The following FER1L5 variants were observed in gnomAD, a reference collection of about 807,000 sequenced individuals.
FER1L5 encodes fer-1-like protein 5.
FER1L5 carries 187 observed loss-of-function variants against 279.9 expected under a neutral mutation model. That is an observed-to-expected ratio of 0.67 (90% CI 0.59 to 0.75). FER1L5 has a LOEUF of 0.75. Ranked by LOEUF, FER1L5 falls within the 30% of genes least tolerant of loss-of-function variation. The pLI, the probability that FER1L5 is intolerant of heterozygous loss-of-function variation, is 0.00. For missense variants in FER1L5, 2,091 were observed against 2,594.4 expected, an observed-to-expected ratio of 0.81 and a Z score of 4.21; for synonymous variants, 921 against 989.7, an observed-to-expected ratio of 0.93 and a Z score of 1.30.
At position 96,703,237 on chromosome 2, in the gene FER1L5, C is replaced by A; in HGVS notation, c.5582C>A (p.Pro1861His). The A allele has an allele frequency of 1.2e-6, 2 of 1,613,938 alleles. No individual in the cohort carries two copies. Among genetic ancestry groups the A allele is most frequent in the Non-Finnish European group, 1.7e-6 (2 of 1,179,880 alleles). The change falls in exon 50 of 53, where the codon CCC becomes CAC. Residue 1861 changes from proline to histidine, a missense_variant. By Grantham distance (77) the Pro-to-His change is moderately conservative. Transcript: ENST00000624922. ...TCCATCAGGATGATGGACGCCGACC[C>A]CAAGTGGCCCTATTTCATCCAATAC... The part of the protein sequence containing the change: ...QCSIRMMDAD[P>H]KWPYFIQYKH...
At position 96,699,616 on chromosome 2, in the gene FER1L5, C is replaced by T; in HGVS notation, c.4677C>T (p.Asp1559=). ...TAGAGATCCAGCTCTATGACTTCGACCTATTTTCACCTGATGATAAGATAG... is the reference window on the plus strand; with the variant it reads ...TAGAGATCCAGCTCTATGACTTCGATCTATTTTCACCTGATGATAAGATAG... ...KDLEIQLYDF[D]LFSPDDKIGT... is the part of the protein sequence containing the mutation. The change falls in exon 43 of 53, where the codon GAC becomes GAT. Residue 1559 remains aspartate, a synonymous_variant. Transcript: ENST00000624922. The T allele has an allele frequency of 1.9e-6, 3 of 1,614,016 alleles. No individual in the cohort carries two copies. The South Asian group carries it at 3.3e-5, about 18-fold the overall frequency.
chr2:96,703,919 G>A (rs1330850361), intron 51 of FER1L5, among the ~76,000 whole-genome samples: 9 of 148,606 alleles, frequency 6.1e-5, no homozygotes, highest in African/African-American at 2.2e-4. Context: ...GGGTTCAAGC[G>A]ATTCTCCTGC....
At chr2:96,673,054 G>C (rs900283258) in intron 18 of FER1L5, 23 bp from the exon 19 acceptor site, 2 of 1,548,982 alleles carry the variant, frequency 1.3e-6, no homozygotes, top group Non-Finnish European at 1.7e-6. Context: ...GGGTATGGGG[G>C]GTGGGGGCGG....
rs939683365 is a variant in FER1L5, at chr2:96,662,201, C to T, written c.1019-14C>T. 3.2e-6 allele frequency: 5 copies of T among 1,551,474 alleles called. No homozygotes were observed. The highest frequency in any genetic ancestry group is 4.4e-6 in the Non-Finnish European group (5 of 1,146,816). On this transcript the variant is annotated splice_polypyrimidine_tract_variant and intron_variant, in intron 12 of 52. Transcript: ENST00000624922. ...TGCTGCTGGCTCAGATATCTTTTAA[C>T]TTGTTGTTCATAGAGAAACACCAGT...
At chr2:96,645,765 G>A (rs191989319) in intron 1 of FER1L5, among the ~76,000 whole-genome samples, 72 of 151,544 alleles carry the variant, frequency 4.8e-4, no homozygotes, top group Middle Eastern at 3.4e-3. Context: ...GATAGAGTGA[G>A]ACCTTGTGTC....
At position 96,698,258 on chromosome 2, in the gene FER1L5, G is replaced by A. The variant is rs2077456954; in HGVS notation, c.4356+102G>A. The A allele has an allele frequency of 6.9e-7, 1 of 1,448,962 alleles. No homozygotes were observed. The highest frequency in any genetic ancestry group is 2.6e-5 in the Admixed American group (1 of 39,048). 89.8% of individuals were successfully genotyped at this position (1,448,962 alleles called of 1,614,324 possible). A position where few individuals can be genotyped will look rare whatever the true frequency, so the allele number is the denominator to read the frequency against. On this transcript the variant is annotated intron_variant, in intron 40 of 52. Coordinates refer to ENST00000624922, the MANE Select transcript of FER1L5 (RefSeq NM_001293083.2). The surrounding 1 kb of genome is among the most constrained non-coding windows in gnomAD (Gnocchi z 5.5). ...GCTCTATATGCTCATTGTGAAGATG[G>A]AGCAGGGCTTGAGAACGTTCTGGGA... is the stretch of plus-strand genomic sequence containing the variant.
At chr2:96,661,931 C>G in intron 12 of FER1L5, 140 bp downstream of exon 12, 2 of 1,262,976 alleles carry the variant, frequency 1.6e-6, no homozygotes, top group Non-Finnish European at 2.2e-6. Flanking sequence ...ACTGGAATTG[C>G]TCCCAGACTT....
intron 1 of FER1L5, among the ~76,000 whole-genome samples, chr2:96,644,231 C>T (rs188274911): frequency 1.1e-4 from 17 of 150,958 alleles, no homozygotes; most frequent in East Asian, 5.8e-4. Context: ...GTAATCCCAG[C>T]GCTTTGGGAG....
intron 19 of FER1L5, among the ~76,000 whole-genome samples, chr2:96,683,933 C>T (rs935589912): frequency 1.3e-5 from 2 of 152,152 alleles, no homozygotes; most frequent in African/African-American, 4.8e-5. Context: ...TTCCCCCTGC[C>T]CCCGTCCCAC....
chr2:96,651,881 T>C lies in FER1L5; in HGVS notation c.505-11T>C, dbSNP rs2075396416. The stretch of plus-strand genomic sequence containing the variant: ...CCCTCAATATCAGCTCCCCATGTGT[T>C]CCGCCCTTAGGTTCGAGTGAAGGTG... On this transcript the variant is annotated splice_polypyrimidine_tract_variant and intron_variant, in intron 6 of 52. Coordinates refer to ENST00000624922, the MANE Select transcript of FER1L5 (RefSeq NM_001293083.2). 4 of 1,552,100 alleles carry C rather than the reference T, an allele frequency of 2.6e-6. No individual in the cohort carries two copies. The highest frequency in any genetic ancestry group is 1.2e-5 in the South Asian group (1 of 84,056).
chr2:96,659,290 T>TTCCTTCCCTCCTTCCTTCC (rs1553449027), intron 9 of FER1L5, among the ~76,000 whole-genome samples: 1 of 80,942 alleles, frequency 1.2e-5, no homozygotes, highest in East Asian at 3.2e-4. Flanking sequence ...TTTATCAAGC[T>TTCCTTCCCTCCTTCCTTCC]TTCCTTCCTT....
Position 96,659,457 on chromosome 2 carries a change from C to CTT in FER1L5, c.748-882_748-881dup. 1.5e-4 allele frequency among the ~76,000 whole-genome samples: 4 copies of CTT among 26,440 alleles called. 1 individual carries two copies. Among genetic ancestry groups the CTT allele is most frequent in the African/African-American group, 1.2e-3 (4 of 3,274 alleles). The allele number at this position is 26,440 out of a possible 152,430, so 17.3% of individuals were successfully genotyped here. ...TCTTTCTTTCTTTCTTTCTTTCTTT[C>CTT]TTTCTTTCTTTCTTTCTTTCTTTCT... On this transcript the variant is annotated intron_variant, in intron 9 of 52. Transcript: ENST00000624922.
At chr2:96,685,771 C>T (rs751991796) in intron 21 of FER1L5, among the ~76,000 whole-genome samples, 169 bp from the exon 22 acceptor site, 4 of 152,188 alleles carry the variant, frequency 2.6e-5, no homozygotes, top group Non-Finnish European at 4.4e-5. Context: ...GGACACACAG[C>T]GAGCAGGCTT....
chr2:96,698,988 A>T lies in FER1L5; in HGVS notation c.4519-57A>T. On this transcript the variant is annotated intron_variant, in intron 41 of 52. Coordinates refer to ENST00000624922, the MANE Select transcript of FER1L5 (RefSeq NM_001293083.2). The surrounding 1 kb of genome is among the most constrained non-coding windows in gnomAD (Gnocchi z 5.5). ...TTCCACCCTCCTCCCACCCTCCCTG[A>T]CAAACCTGGACGGCCTCCCCAGTTC... The T allele has an allele frequency of 6.5e-7, 1 of 1,546,864 alleles. No individual in the cohort carries two copies. Among genetic ancestry groups the T allele is most frequent in the South Asian group, 1.2e-5 (1 of 84,712 alleles).
chr2:96,659,290 T>TGCCTTCCTTCCTTCCTTCCTTCCTTCC (rs2075732527), intron 9 of FER1L5, among the ~76,000 whole-genome samples: 1 of 81,028 alleles, frequency 1.2e-5, no homozygotes, highest in African/African-American at 4.9e-5. Flanking sequence ...TTTATCAAGC[T>TGCCTTCCTTCCTTCCTTCCTTCCTTCC]TTCCTTCCTT....
At chr2:96,644,372 T>A (rs1243964656) in intron 1 of FER1L5, among the ~76,000 whole-genome samples, 1 of 151,508 alleles carries the variant, frequency 6.6e-6, no homozygotes, top group Non-Finnish European at 1.5e-5. Flanking sequence ...TAGTCCCAGC[T>A]ACTTGGGAGG....
chr2:96,660,239 C>T, intron 9 of FER1L5, 102 bp from the exon 10 acceptor site: 1 of 1,190,846 alleles, frequency 8.4e-7, no homozygotes, highest in Non-Finnish European at 1.2e-6. Flanking sequence ...GGGCAGAGAA[C>T]ATACTGAAGC....
At position 96,697,576 on chromosome 2, in the gene FER1L5, G is replaced by A; in HGVS notation, c.4134G>A (p.Glu1378=). 2 of 1,613,806 alleles carry A rather than the reference G, an allele frequency of 1.2e-6. No individual in the cohort carries two copies. The highest frequency in any genetic ancestry group is 1.7e-6 in the Non-Finnish European group (2 of 1,179,796). The change falls in exon 38 of 53, where the codon GAG becomes GAA. Residue 1378 remains glutamate, a splice_region_variant and synonymous_variant. Transcript: ENST00000624922. ...RKFWFKSSKA[E]DEYEHEVDWW... ...TCTGGTTCAAGTCCAGTAAAGCAGA[G>A]GTGATGAAGGCTCAGCCCCATTCAG... is the stretch of plus-strand genomic sequence containing the variant.
chr2:96,697,215 C>T (rs1027251249), intron 37 of FER1L5, among the ~76,000 whole-genome samples: 3 of 152,216 alleles, frequency 2.0e-5, no homozygotes, highest in South Asian at 2.1e-4. Flanking sequence ...CTCCAGACAT[C>T]GTCACCAAAA....
Sources: gnomAD v4.1 joint callset for allele counts (sites outside exome capture counted in the v4.1 genomes callset) on GRCh38, gnomAD v4.1.1 for gene constraint, Gnocchi (gnomAD v3.1) non-coding constraint, MANE v1.5 for transcripts, NCBI Gene and HGNC (gene_info 2026-07-23, HGNC 2026-07-21) for gene names.